Variants in ZNF557 observed in about 807,000 individuals in gnomAD.
The protein encoded by ZNF557 is CTB-25J19.9.
Under a neutral mutation model 21.2 loss-of-function variants are expected in ZNF557, and 19 were observed. That is an observed-to-expected ratio of 0.90 (90% CI 0.63 to 1.32). The LOEUF is 1.32. ZNF557 is among the 40% of genes most tolerant of loss of function. The pLI is 0.00. For synonymous variants in ZNF557, 207 were observed against 194.8 expected (o/e 1.06, Z -0.52); for missense variants, 487 against 519.8 (o/e 0.94, Z 0.61).
rs1414650150 is a variant in ZNF557 at position 7,085,294 on chromosome 19, TC to T, written c.*1553del. 2 of 152,144 alleles carry T rather than the reference TC, an allele frequency of 1.3e-5. No individual in the cohort carries two copies. Among genetic ancestry groups the T allele is most frequent in the Non-Finnish European group, 2.9e-5 (2 of 68,056 alleles). The allele number at this position is 152,144 out of a possible 1,614,324, so 9.4% of individuals were successfully genotyped here. ...CTTAAGGGATCCTCCCACCTCAGCC[TC>T]CCAAGTAGCTGGGACTGTAGGCATG... On this transcript the variant is annotated 3_prime_UTR_variant, in exon 8 of 8. Transcript: ENST00000252840.
chr19:7,080,315 GA>G (rs1977674068), intron 5 of ZNF557, among the ~76,000 whole-genome samples: 1 of 152,140 alleles, frequency 6.6e-6, no homozygotes. Context: ...TGGGGGAAAA[GA>G]AGGTGTGGAA....
chr19:7,073,164 T>TTG (rs1191370796), intron 2 of ZNF557, among the ~76,000 whole-genome samples: 7 of 149,500 alleles, frequency 4.7e-5, no homozygotes, highest in Non-Finnish European at 8.9e-5. Context: ...TTTGTTTTTT[T>TTG]TTTTTTGAGA....
chr19:7,079,537 GC>G (rs1275637423), intron 5 of ZNF557, among the ~76,000 whole-genome samples: 1 of 152,010 alleles, frequency 6.6e-6, no homozygotes, highest in Non-Finnish European at 1.5e-5. Context: ...ACCGCGCCCG[GC>G]CCATTTTTTT....
chr19:7,077,132 CTTT>C (rs4031071), intron 5 of ZNF557, among the ~76,000 whole-genome samples: 8 of 78,368 alleles, frequency 1.0e-4, no homozygotes, highest in Admixed American at 6.0e-4. Flanking sequence ...TGTTTTCTTT[CTTT>C]TTTTTTTTTT....
At chr19:7,073,157 G>GTTTTTTTT (rs552141577) in intron 2 of ZNF557, among the ~76,000 whole-genome samples, 3 of 136,070 alleles carry the variant, frequency 2.2e-5, no homozygotes, top group Non-Finnish European at 4.6e-5. Context: ...GGTTTTTTTT[G>GTTTTTTTT]TTTTTTTTTT....
rs1424714620 is a variant in ZNF557 at position 7,087,763 on chromosome 19, T to C, written c.*4019T>C. The C allele has an allele frequency of 6.6e-6, 1 of 151,848 alleles. No individual in the cohort carries two copies. Among genetic ancestry groups the C allele is most frequent in the Non-Finnish European group, 1.5e-5 (1 of 67,980 alleles). 9.4% of individuals were successfully genotyped at this position (151,848 alleles called of 1,614,324 possible). ...TTGTGTTAGCTTCCAGGTGAATGCA[T>C]TATCTGTTAATCCTGTTTATTGATC... On this transcript the variant is annotated 3_prime_UTR_variant, in exon 8 of 8. Transcript: ENST00000252840.
chr19:7,082,823 C>T, intron 7 of ZNF557, 55 bp from the exon 8 acceptor site: 2 of 1,486,048 alleles, frequency 1.3e-6, no homozygotes, highest in Admixed American at 2.3e-5. Flanking sequence ...CCTCTGACAG[C>T]ATTCAATGTT....
intron 1 of ZNF557, among the ~76,000 whole-genome samples, chr19:7,070,205 A>G (rs1014732527): frequency 6.6e-6 from 1 of 152,204 alleles, no homozygotes; most frequent in Non-Finnish European, 1.5e-5. Context: ...GCAGTCCTGA[A>G]TACACTGTAG....
chr19:7,080,874 A>G (rs1397702380), intron 5 of ZNF557, among the ~76,000 whole-genome samples: 1 of 152,088 alleles, frequency 6.6e-6, no homozygotes, highest in African/African-American at 2.4e-5. Flanking sequence ...CTACTCCACT[A>G]CCTTCACTGA....
intron 5 of ZNF557, among the ~76,000 whole-genome samples, chr19:7,080,175 A>AT (rs1413170220): frequency 1.3e-5 from 2 of 152,074 alleles, no homozygotes; most frequent in Admixed American, 1.3e-4. Flanking sequence ...GTGGTGGCAA[A>AT]TGCTTGTAAT....
intron 2 of ZNF557, among the ~76,000 whole-genome samples, chr19:7,074,624 T>A (rs551531225): frequency 6.9e-6 from 1 of 144,050 alleles, no homozygotes; most frequent in East Asian, 2.0e-4. Flanking sequence ...GGCATGAGAG[T>A]GGGGAGTGGG....
At chr19:7,079,076 G>T (rs1004352084) in intron 5 of ZNF557, among the ~76,000 whole-genome samples, 1 of 151,692 alleles carries the variant, frequency 6.6e-6, no homozygotes, top group Non-Finnish European at 1.5e-5. Flanking sequence ...TCATTCTCAT[G>T]GTTTCCATTA....
At chr19:7,072,607 C>T (rs956139278) in intron 2 of ZNF557, among the ~76,000 whole-genome samples, 11 of 152,304 alleles carry the variant, frequency 7.2e-5, no homozygotes, top group African/African-American at 2.2e-4. Flanking sequence ...AACTTGGCTT[C>T]CTAAGCAGCT....
At position 7,083,500 on chromosome 19, in the gene ZNF557, G is replaced by A. The variant is rs748275723; in HGVS notation, c.1049G>A (p.Cys350Tyr). The A allele has an allele frequency of 6.2e-7, 1 of 1,614,102 alleles. No homozygotes were observed. The highest frequency in any genetic ancestry group is 1.3e-5 in the African/African-American group (1 of 74,940). The change falls in exon 8 of 8, where the codon TGT (cysteine) becomes TAT (tyrosine). Residue 350 changes from cysteine to tyrosine, a missense_variant. Cys to Tyr is a radical substitution (Grantham distance 194). Transcript: ENST00000252840. ...RTHTGEKPYT[C>Y]NECGKSFTNS... ...CATACTGGAGAAAAACCCTACACAT[G>A]TAATGAGTGTGGGAAATCCTTTACC...
chr19:7,071,743 T>TGA (rs1320206014), intron 2 of ZNF557, among the ~76,000 whole-genome samples: 1 of 128,902 alleles, frequency 7.8e-6, no homozygotes, highest in African/African-American at 3.0e-5. Context: ...GAGACTGCAG[T>TGA]GAGCCAAGAT....
intron 5 of ZNF557, among the ~76,000 whole-genome samples, chr19:7,080,311 A>G (rs894751035): frequency 1.3e-4 from 20 of 152,218 alleles, no homozygotes; most frequent in Non-Finnish European, 1.5e-4. Flanking sequence ...CTTGTGGGGG[A>G]AAAGAAGGTG....
At chr19:7,073,742 CT>C in intron 2 of ZNF557, among the ~76,000 whole-genome samples, 1 of 152,270 alleles carries the variant, frequency 6.6e-6, no homozygotes, top group African/African-American at 2.4e-5. Context: ...CAATCCTTCT[CT>C]CCCCGGAGAT....
In ZNF557 at chr19:7,084,980, T is replaced by A. The variant is rs78249329; in HGVS notation, c.*1236T>A. On this transcript the variant is annotated 3_prime_UTR_variant, in exon 8 of 8. Coordinates refer to ENST00000252840, the MANE Select transcript of ZNF557 (RefSeq NM_024341.3). ...AGAGGAATATGTTGAGTATACACAGTGTTGAAAAGCCTGTGACACAAACAG... is the reference window on the plus strand; with the variant it reads ...AGAGGAATATGTTGAGTATACACAGAGTTGAAAAGCCTGTGACACAAACAG... 3 of 152,184 alleles carry A rather than the reference T, an allele frequency of 2.0e-5. No homozygotes were observed. Among genetic ancestry groups the A allele is most frequent in the African/African-American group, 7.2e-5 (3 of 41,514 alleles). 9.4% of individuals were successfully genotyped at this position (152,184 alleles called of 1,614,324 possible).
rs71177147 is a variant in ZNF557 at position 7,071,799 on chromosome 19, CAAAAAAAA to C, written c.-80+1164_-80+1171del. On this transcript the variant is annotated intron_variant, in intron 2 of 7. Transcript: ENST00000252840. ...TGGGCAACAGAGCAAGACTGCATCT[CAAAAAAAA>C]AAAAAAAAAAAAAAAAAGCTGGGCA... Among the ~76,000 whole-genome samples, 9 of 55,024 alleles carry C rather than the reference CAAAAAAAA, an allele frequency of 1.6e-4. No individual in the cohort carries two copies. The South Asian group carries it at 4.9e-3, about 30-fold the overall frequency. The allele number at this position is 55,024 out of a possible 152,430, so 36.1% of individuals were successfully genotyped here. A position where few individuals can be genotyped will look rare whatever the true frequency, so the allele number is the denominator to read the frequency against.
Sources: allele counts gnomAD v4.1 joint callset (sites outside exome capture counted in the v4.1 genomes callset), GRCh38; gene constraint gnomAD v4.1.1; transcripts MANE v1.5; gene names NCBI Gene and HGNC (gene_info 2026-07-23, HGNC 2026-07-21).